The following LCN12 variants were observed in gnomAD, a reference collection of about 807,000 sequenced individuals.
LCN12 encodes the protein epididymal-specific lipocalin-12.
A neutral mutation model predicts 23.7 loss-of-function variants in LCN12; 15 were observed. The ratio of observed to expected loss-of-function variants is 0.63; its 90% CI spans 0.42 to 0.97. The LOEUF (loss-of-function observed/expected upper bound fraction) is 0.97. Among genes scored for constraint, LCN12 ranks in the 50% least tolerant of loss-of-function variants. The probability of loss-of-function intolerance (pLI) is 0.00; values close to 1 mark genes in which losing one functional copy is unlikely to be tolerated. For missense variants in LCN12, 219 were observed against 249.6 expected (o/e 0.88, Z 0.83); for synonymous variants, 116 against 111.5 (o/e 1.04, Z -0.25).
chr9:136,954,901 T>C (rs1665263037), intron 5 of LCN12: 3 of 1,227,800 alleles, frequency 2.4e-6, no homozygotes, highest in South Asian at 2.9e-5. Flanking sequence ...GTCCTTTACA[T>C]GTGCATAACC....
chr9:136,951,901 G>T (rs1851160662), upstream of LCN12, among the ~76,000 whole-genome samples: 1 of 152,270 alleles, frequency 6.6e-6, no homozygotes, highest in African/African-American at 2.4e-5. Flanking sequence ...CCACAGCTGG[G>T]CCCTGTCCCT....
At chr9:136,952,653 C>T (rs1360952671) in intron 1 of LCN12, 3 of 629,506 alleles carry the variant, frequency 4.8e-6, no homozygotes, top group South Asian at 2.0e-5. Context: ...CCCATCGCTC[C>T]CTCTGTGCGT....
chr9:136,955,660 C>G (rs1851305855), downstream of LCN12, among the ~76,000 whole-genome samples: 1 of 152,226 alleles, frequency 6.6e-6, no homozygotes, highest in Non-Finnish European at 1.5e-5. Context: ...AGGGCATGCA[C>G]ATGTATGTTC....
chr9:136,955,076 G>C, intron 5 of LCN12: 1 of 1,406,546 alleles, frequency 7.1e-7, no homozygotes. Flanking sequence ...CTGCACACTC[G>C]CTATGCCAGG....
chr9:136,956,486 C>T (rs1247395644), downstream of LCN12, among the ~76,000 whole-genome samples: 1 of 152,242 alleles, frequency 6.6e-6, no homozygotes, highest in Non-Finnish European at 1.5e-5. Context: ...GATGGATCCC[C>T]ATGATCAAGT....
intron 5 of LCN12, chr9:136,954,680 C>T (rs1434239162): frequency 7.8e-7 from 1 of 1,278,042 alleles, no homozygotes; most frequent in Non-Finnish European, 1.0e-6. Flanking sequence ...GCCACCTCCT[C>T]CCCTCACCCA....
At chr9:136,953,648 A>G in intron 2 of LCN12, 52 bp from the exon 3 acceptor site, 1 of 1,405,710 alleles carries the variant, frequency 7.1e-7, no homozygotes, top group East Asian at 2.4e-5. Flanking sequence ...CCACCTCAGC[A>G]TGGACCTGCC....
intron 5 of LCN12, chr9:136,954,587 C>T (rs575782191): frequency 1.8e-5 from 10 of 551,696 alleles, no homozygotes; most frequent in Middle Eastern, 6.2e-4. Context: ...CCTCCCACCC[C>T]GGGTCTCCTG....
intron 1 of LCN12, 27 bp from the exon 2 acceptor site, chr9:136,952,865 C>CCCCCCA: frequency 6.3e-7 from 1 of 1,599,508 alleles, no homozygotes; most frequent in Admixed American, 1.7e-5. Context: ...TGCCCACCGC[C>CCCCCCA]GCCCCTGCCC....
chr9:136,949,716 G>GT (rs940143101), upstream of LCN12: 8 of 152,716 alleles, frequency 5.2e-5, no homozygotes, highest in African/African-American at 1.9e-4. Flanking sequence ...AAGGCGATGG[G>GT]TTGGGGGTGG....
At chr9:136,955,295 C>G in intron 5 of LCN12, 76 bp from the exon 6 acceptor site, 1 of 1,560,276 alleles carries the variant, frequency 6.4e-7, no homozygotes, top group East Asian at 2.3e-5. Flanking sequence ...CTCCTTTGTG[C>G]CCTCCCTTGC....
chr9:136,954,234 A>G lies in LCN12; in HGVS notation c.529A>G (p.Ile177Val). The G allele has an allele frequency of 6.3e-7, 1 of 1,576,858 alleles. No homozygotes were observed. Among genetic ancestry groups the G allele is most frequent in the East Asian group, 2.3e-5 (1 of 42,798 alleles). The change falls in exon 5 of 6, where the codon ATC becomes GTC. Residue 177 changes from isoleucine to valine, a missense_variant. Transcript: ENST00000371633. ...AGCTCAGGGCCTCTCGGATGACAAC[A>G]TCGTCTTCCCAGATGTGACTGGTAA... ...GRAQGLSDDN[I>V]VFPDVTGWSP... is the part of the protein sequence containing the mutation.
At chr9:136,950,037 A>G (rs1415280432), upstream of LCN12, among the ~76,000 whole-genome samples, 1 of 146,438 alleles carries the variant, frequency 6.8e-6, no homozygotes, top group Non-Finnish European at 1.5e-5. Context: ...CTCCCCCGGG[A>G]GCCCCGCAGG....
At chr9:136,954,958 A>G (rs974595770) in intron 5 of LCN12, 113 of 1,277,430 alleles carry the variant, frequency 8.8e-5, no homozygotes, top group Non-Finnish European at 1.1e-4. Context: ...AGACTGGCAC[A>G]TGCCTCCACA....
At chr9:136,953,675 C>T (rs767750162) in intron 2 of LCN12, 25 bp from the exon 3 acceptor site, 29 of 1,523,256 alleles carry the variant, frequency 1.9e-5, no homozygotes, top group Admixed American at 1.0e-4. Flanking sequence ...CGGAGCCTTC[C>T]GCCTCCACCT....
intron 5 of LCN12, 183 bp downstream of exon 5, chr9:136,954,438 G>T: frequency 1.3e-6 from 1 of 769,736 alleles, no homozygotes; most frequent in Non-Finnish European, 2.2e-6. Flanking sequence ...ACCTCCTGCC[G>T]CCCCGGGTCC....
chr9:136,953,272 G>C (rs1851211582), intron 2 of LCN12, among the ~76,000 whole-genome samples: 1 of 151,846 alleles, frequency 6.6e-6, no homozygotes, highest in South Asian at 2.1e-4. Flanking sequence ...TGTAATCCCA[G>C]CACTTCCGGG....
chr9:136,955,288 C>A, intron 5 of LCN12, 83 bp from the exon 6 acceptor site: 1 of 1,555,982 alleles, frequency 6.4e-7, no homozygotes, highest in South Asian at 1.2e-5. Flanking sequence ...CCTGCCCCTC[C>A]TTTGTGCCCT....
In LCN12 at chr9:136,953,782, A is replaced by G; in HGVS notation, c.331+3A>G. ...GTTCACTGTGGACCACGGTGTGGGT[A>G]AGCCAGTCACAGGAGGGAGGGACGG... On this transcript the variant is annotated splice_donor_region_variant and intron_variant, in intron 3 of 5. Coordinates refer to ENST00000371633, the MANE Select transcript of LCN12 (RefSeq NM_178536.4). 1 of 1,605,808 alleles carries G rather than the reference A, an allele frequency of 6.2e-7. No homozygotes were observed.
Sources: allele counts gnomAD v4.1 joint callset (sites outside exome capture counted in the v4.1 genomes callset), GRCh38; gene constraint gnomAD v4.1.1; transcripts MANE v1.5; gene names NCBI Gene and HGNC (gene_info 2026-07-23, HGNC 2026-07-21).